Variants in SLC25A26 observed in about 807,000 individuals in gnomAD.
SLC25A26 encodes mitochondrial S-adenosylmethionine carrier protein.
Under a neutral mutation model 37.8 loss-of-function variants are expected in SLC25A26, and 36 were observed. The ratio of observed to expected loss-of-function variants is 0.95; its 90% CI spans 0.73 to 1.26. The LOEUF (loss-of-function observed/expected upper bound fraction) is 1.26. SLC25A26 is among the 50% of genes most tolerant of loss of function. The pLI is 0.00. For synonymous variants in SLC25A26, 129 were observed against 122.5 expected (o/e 1.05, Z -0.35); for missense variants, 390 against 331.1 (o/e 1.18, Z -1.38).
At chr3:66,180,373 G>A (rs912484026) in intron 1 of SLC25A26, among the ~76,000 whole-genome samples, 1 of 152,182 alleles carries the variant, frequency 6.6e-6, no homozygotes, top group Non-Finnish European at 1.5e-5. Context: ...CCTAGGAGAA[G>A]CCAATGCAGG....
At chr3:66,179,238 A>G (rs914257340) in intron 1 of SLC25A26, among the ~76,000 whole-genome samples, 1 of 152,364 alleles carries the variant, frequency 6.6e-6, no homozygotes, top group East Asian at 1.9e-4. Flanking sequence ...AAAAATTAAG[A>G]TGACCTATAA....
At chr3:66,233,962 T>A (rs554578705) in intron 1 of SLC25A26, among the ~76,000 whole-genome samples, 1 of 152,192 alleles carries the variant, frequency 6.6e-6, no homozygotes, top group African/African-American at 2.4e-5. Context: ...CTCCTAAGAT[T>A]AAAGAGAAAA....
intron 5 of SLC25A26, among the ~76,000 whole-genome samples, chr3:66,345,580 T>C (rs1223823643): frequency 6.6e-6 from 1 of 151,276 alleles, no homozygotes; most frequent in African/African-American, 2.4e-5. Context: ...CCACTTTCTT[T>C]CCTTTTCTTC....
At chr3:66,234,371 C>T (rs1038717122) in intron 1 of SLC25A26, among the ~76,000 whole-genome samples, 1 of 152,206 alleles carries the variant, frequency 6.6e-6, no homozygotes, top group Non-Finnish European at 1.5e-5. Context: ...TTAGGGAAGG[C>T]CACCTTTATA....
chr3:66,377,839 A>G lies in SLC25A26; in HGVS notation c.*32A>G, dbSNP rs768570648. 3 of 1,534,594 alleles carry G rather than the reference A, an allele frequency of 2.0e-6. No individual in the cohort carries two copies. In the Admixed American group the frequency reaches 5.0e-5, roughly 26 times the overall value. ...GACAAGCCTCACCTCCACTTCTGTC[A>G]AGAGAGGGGCCTGCAGTGCAAACCC... On this transcript the variant is annotated 3_prime_UTR_variant, in exon 10 of 10. Transcript: ENST00000354883.
upstream of SLC25A26, among the ~76,000 whole-genome samples, chr3:66,219,274 C>T (rs2071408708): frequency 6.6e-6 from 1 of 152,136 alleles, no homozygotes; most frequent in Admixed American, 6.5e-5. Context: ...CTCAAGATTC[C>T]TGGCCCCTAA....
chr3:66,171,551 G>A (rs189548256), intron 1 of SLC25A26, among the ~76,000 whole-genome samples: 9 of 152,154 alleles, frequency 5.9e-5, no homozygotes, highest in Admixed American at 5.9e-4. Context: ...GTGCAGTGGT[G>A]CAATCTTTGC....
chr3:66,152,725 C>A (rs999563151), intron 1 of SLC25A26, among the ~76,000 whole-genome samples: 1 of 152,138 alleles, frequency 6.6e-6, no homozygotes, highest in Non-Finnish European at 1.5e-5. Flanking sequence ...ATTTGGCTGA[C>A]GTTGTCTATT....
intron 1 of SLC25A26, among the ~76,000 whole-genome samples, chr3:66,225,567 A>G (rs539666248): frequency 6.6e-6 from 1 of 152,044 alleles, no homozygotes; most frequent in East Asian, 1.9e-4. Flanking sequence ...CCCTGAAGAC[A>G]TTTTCCCCAC....
chr3:66,308,420 CAAAATATACAATCTTGTT>C (rs1421349555), intron 5 of SLC25A26, among the ~76,000 whole-genome samples: 1 of 152,164 alleles, frequency 6.6e-6, no homozygotes, highest in East Asian at 1.9e-4. Context: ...ATGGAGTTTT[CAAAATATACAATCTTGTT>C]AACTGCAAAC....
intron 5 of SLC25A26, among the ~76,000 whole-genome samples, chr3:66,271,271 A>G (rs1375148909): frequency 6.6e-6 from 1 of 152,180 alleles, no homozygotes; most frequent in African/African-American, 2.4e-5. Flanking sequence ...GTTTCACCAA[A>G]AAAGTTTTCT....
At position 66,215,457 on chromosome 3, in the gene SLC25A26, T is replaced by C. The variant is rs1003603422; in HGVS notation, c.-353-5285T>C. Among the ~76,000 whole-genome samples the C allele has an allele frequency of 2.4e-3, 368 of 152,320 alleles. 2 individuals carry two copies. The highest frequency in any genetic ancestry group is 0.011 in the South Asian group (52 of 4,828). On this transcript the variant is annotated intron_variant, in intron 1 of 10. Transcript: ENST00000676754. The stretch of plus-strand genomic sequence containing the variant: ...CTCAAGTGATCCTCCTACCTCAGTC[T>C]CACACAGTTCTGTGATTCAGTACTA...
At chr3:66,151,588 T>C (rs924173902) in intron 1 of SLC25A26, among the ~76,000 whole-genome samples, 9 of 152,222 alleles carry the variant, frequency 5.9e-5, no homozygotes, top group Non-Finnish European at 1.2e-4. Context: ...CTGCACCCCA[T>C]GCTCTCTGTT....
chr3:66,358,313 AAC>A (rs1227982490), intron 6 of SLC25A26, among the ~76,000 whole-genome samples: 3 of 152,224 alleles, frequency 2.0e-5, no homozygotes, highest in Non-Finnish European at 4.4e-5. Context: ...ATTTGTAAAT[AAC>A]ACTCTTTTTA....
intron 1 of SLC25A26, among the ~76,000 whole-genome samples, chr3:66,151,349 G>A (rs556708339): frequency 6.6e-6 from 1 of 152,282 alleles, no homozygotes; most frequent in South Asian, 2.1e-4. Flanking sequence ...GGGGCAGGGA[G>A]TGGGGGAGAT....
chr3:66,362,811 T>C, intron 6 of SLC25A26, 49 bp from the exon 7 acceptor site: 1 of 1,380,556 alleles, frequency 7.2e-7, no homozygotes, highest in Non-Finnish European at 9.9e-7. Flanking sequence ...GAGGTTCCGA[T>C]AAATTCAAAT....
chr3:66,344,110 C>T (rs2107728820), intron 5 of SLC25A26, among the ~76,000 whole-genome samples: 1 of 152,240 alleles, frequency 6.6e-6, no homozygotes, highest in Middle Eastern at 3.4e-3. Context: ...GATTTTCTTT[C>T]TGTGGTCACT....
intron 1 of SLC25A26, among the ~76,000 whole-genome samples, chr3:66,208,746 G>GTA (rs1288921685): frequency 4.3e-5 from 3 of 69,538 alleles, no homozygotes; most frequent in East Asian, 3.7e-4. Context: ...TTATATGGGT[G>GTA]TATATATATA....
chr3:66,315,549 C>T (rs1210320426), intron 5 of SLC25A26, among the ~76,000 whole-genome samples: 2 of 152,030 alleles, frequency 1.3e-5, no homozygotes, highest in African/African-American at 4.8e-5. Context: ...ATTGTGCGAT[C>T]AGTTTTAGAG....
Sources: gnomAD v4.1 joint callset for allele counts (sites outside exome capture counted in the v4.1 genomes callset) on GRCh38, gnomAD v4.1.1 for gene constraint, MANE v1.5 for transcripts, NCBI Gene and HGNC (gene_info 2026-07-23, HGNC 2026-07-21) for gene names.